PLCXD3: variants seen among roughly 807,000 people sequenced by gnomAD.
PLCXD3 encodes phosphatidylinositol specific phospholipase C X domain containing 3, also known as PI-PLC X domain-containing protein 3.
In PLCXD3, 19 loss-of-function variants were observed where a neutral mutation model predicts 25.5. That is an observed-to-expected ratio of 0.75 (90% CI 0.52 to 1.09). The LOEUF (loss-of-function observed/expected upper bound fraction) is 1.09, where lower values mean the gene tolerates loss of function less well. Among genes scored for constraint, PLCXD3 ranks in the 50% least tolerant of loss-of-function variants. The pLI, the probability that PLCXD3 is intolerant of heterozygous loss-of-function variation, is 0.00. For synonymous variants in PLCXD3, 174 were observed against 137.6 expected (o/e 1.26, Z -1.85); for missense variants, 411 against 388.1 (o/e 1.06, Z -0.50).
At chr5:41,460,081 GT>G (rs1747841585) in intron 1 of PLCXD3, among the ~76,000 whole-genome samples, 1 of 151,874 alleles carries the variant, frequency 6.6e-6, no homozygotes, top group Non-Finnish European at 1.5e-5. Context: ...TTAAACCTAT[GT>G]TTTCCACACA....
At chr5:41,361,033 G>T (rs1359803438) in intron 2 of PLCXD3, among the ~76,000 whole-genome samples, 1 of 152,054 alleles carries the variant, frequency 6.6e-6, no homozygotes, top group Non-Finnish European at 1.5e-5. Context: ...TGGGGGCAGG[G>T]ATAGATATGT....
At position 41,312,685 on chromosome 5, in the gene PLCXD3, T is replaced by TTTCTTTCCTTCC. The variant is rs1743166316; in HGVS notation, c.*931_*932insGGAAGGAAAGAA. ...CTTCCTCCCTCCCTTCCTTTCTTCC[T>TTTCTTTCCTTCC]TTCCTTCCTTCCTTCCTTCCTTCCT... On this transcript the variant is annotated 3_prime_UTR_variant, in exon 3 of 3. Transcript: ENST00000377801. 9.6e-6 allele frequency: 1 copy of TTTCTTTCCTTCC among 104,678 alleles called. No individual in the cohort carries two copies. Among genetic ancestry groups the TTTCTTTCCTTCC allele is most frequent in the Non-Finnish European group, 1.9e-5 (1 of 51,288 alleles). 6.5% of individuals were successfully genotyped at this position (104,678 alleles called of 1,614,324 possible).
chr5:41,496,972 T>C (rs138803563), intron 1 of PLCXD3, among the ~76,000 whole-genome samples: 2,442 of 151,872 alleles, frequency 0.016, 23 homozygotes, highest in Non-Finnish European at 0.025. Flanking sequence ...GGGGTTTTTG[T>C]ATGTGATTTA....
chr5:41,442,710 A>T (rs1747410564), intron 1 of PLCXD3, among the ~76,000 whole-genome samples: 1 of 152,202 alleles, frequency 6.6e-6, no homozygotes, highest in African/African-American at 2.4e-5. Flanking sequence ...AGTTTCATTT[A>T]CCACACAGGG....
chr5:41,317,372 A>T (rs1189000207), intron 2 of PLCXD3, among the ~76,000 whole-genome samples: 1 of 152,192 alleles, frequency 6.6e-6, no homozygotes, highest in Admixed American at 6.5e-5. Context: ...AATTTCCAGA[A>T]GGCCTCCCTG....
At chr5:41,505,385 G>T (rs370540466) in intron 1 of PLCXD3, among the ~76,000 whole-genome samples, 1 of 152,118 alleles carries the variant, frequency 6.6e-6, no homozygotes, top group African/African-American at 2.4e-5. Context: ...AAACAAGATA[G>T]GTCATTTTCT....
intron 1 of PLCXD3, 123 bp from the exon 2 acceptor site, chr5:41,382,657 A>T (rs956601311): frequency 2.7e-6 from 2 of 736,984 alleles, no homozygotes; most frequent in Non-Finnish European, 4.2e-6. Context: ...AAGAAATGTA[A>T]TACTAGTTAT....
chr5:41,494,421 T>C (rs1454738966), intron 1 of PLCXD3, among the ~76,000 whole-genome samples: 1 of 152,236 alleles, frequency 6.6e-6, no homozygotes, highest in Non-Finnish European at 1.5e-5. Context: ...GTGGAAGGAT[T>C]GTAGATACAT....
intron 1 of PLCXD3, among the ~76,000 whole-genome samples, chr5:41,409,998 G>T (rs115358493): frequency 0.075 from 11,369 of 152,144 alleles, 511 homozygotes; most frequent in Middle Eastern, 0.1. Context: ...ATGAATGAAA[G>T]AATTAATAAG....
intron 1 of PLCXD3, among the ~76,000 whole-genome samples, chr5:41,488,646 T>C (rs928573313): frequency 4.8e-5 from 7 of 146,594 alleles, no homozygotes; most frequent in African/African-American, 1.1e-4. Flanking sequence ...TGGTATCTCA[T>C]TGTGGTTTTG....
intron 2 of PLCXD3, among the ~76,000 whole-genome samples, chr5:41,318,169 C>T (rs1287584993): frequency 2.6e-5 from 4 of 151,990 alleles, no homozygotes; most frequent in Admixed American, 6.6e-5. Context: ...ATCCCAGACC[C>T]GCCCCACAAG....
chr5:41,495,969 G>T (rs1293959269), intron 1 of PLCXD3, among the ~76,000 whole-genome samples: 1 of 152,074 alleles, frequency 6.6e-6, no homozygotes, highest in Non-Finnish European at 1.5e-5. Context: ...TCATAAAGTT[G>T]TCATTAGTTC....
chr5:41,494,953 G>A (rs1454379375), intron 1 of PLCXD3, among the ~76,000 whole-genome samples: 1 of 152,174 alleles, frequency 6.6e-6, no homozygotes, highest in East Asian at 1.9e-4. Flanking sequence ...GTGTGGTTAG[G>A]AGTAATGTCA....
At chr5:41,322,984 A>T (rs1193382392) in intron 2 of PLCXD3, among the ~76,000 whole-genome samples, 3 of 151,954 alleles carry the variant, frequency 2.0e-5, no homozygotes, top group African/African-American at 7.2e-5. Flanking sequence ...AAAAAAAAAA[A>T]AGAAAAGAAA....
chr5:41,346,141 G>A (rs1239020884), intron 2 of PLCXD3, among the ~76,000 whole-genome samples: 5 of 152,048 alleles, frequency 3.3e-5, no homozygotes, highest in Admixed American at 2.6e-4. Context: ...TCGGCCTCCC[G>A]AAGTGCTGGG....
chr5:41,325,119 G>A (rs780944018), intron 2 of PLCXD3, among the ~76,000 whole-genome samples: 1 of 152,038 alleles, frequency 6.6e-6, no homozygotes, highest in Non-Finnish European at 1.5e-5. Flanking sequence ...GTTCTTTTTT[G>A]TTTCCCCATA....
intron 1 of PLCXD3, among the ~76,000 whole-genome samples, chr5:41,465,144 C>G (rs1292657253): frequency 2.0e-5 from 3 of 151,782 alleles, no homozygotes; most frequent in Non-Finnish European, 4.4e-5. Flanking sequence ...GAGTTGGATT[C>G]CTAAGCTTGC....
chr5:41,396,282 C>T (rs1444080956), intron 1 of PLCXD3, among the ~76,000 whole-genome samples: 1 of 152,002 alleles, frequency 6.6e-6, no homozygotes, highest in Admixed American at 6.6e-5. Context: ...AAGTTCTCAA[C>T]GGATCTGGTT....
Position 41,363,304 on chromosome 5 carries a change from A to G in PLCXD3, c.812+18522T>C, listed in dbSNP as rs572314686. 1.8e-4 allele frequency among the ~76,000 whole-genome samples: 27 copies of G among 152,332 alleles called. No homozygotes were observed. In the South Asian group the frequency reaches 5.6e-3, roughly 32 times the overall value. On this transcript the variant is annotated intron_variant, in intron 2 of 2. Transcript: ENST00000377801. ...CTATGTCCTAATCATTTTAAAGTAC[A>G]GTCACTAGCATACACTCAGTAAATG...
Sources: allele counts gnomAD v4.1 joint callset (sites outside exome capture counted in the v4.1 genomes callset), GRCh38; gene constraint gnomAD v4.1.1; transcripts MANE v1.5; gene names NCBI Gene and HGNC (gene_info 2026-07-23, HGNC 2026-07-21).